The following CLUAP1 variants were observed in gnomAD, a reference collection of about 807,000 sequenced individuals.
CLUAP1 encodes intraflagellar transport 38.
Under a neutral mutation model 55.0 loss-of-function variants are expected in CLUAP1, and 50 were observed. That is an observed-to-expected ratio of 0.91 (90% CI 0.72 to 1.15). The LOEUF is 1.15. Among genes scored for constraint, CLUAP1 ranks in the 50% most tolerant of loss-of-function variants. The pLI, the probability that CLUAP1 is intolerant of heterozygous loss-of-function variation, is 0.00. For missense variants in CLUAP1, 530 were observed against 507.6 expected (o/e 1.04, Z -0.42); for synonymous variants, 195 against 175.4 (o/e 1.11, Z -0.88).
chr16:3,514,087 C>A (rs2037685393), intron 5 of CLUAP1, among the ~76,000 whole-genome samples: 1 of 152,238 alleles, frequency 6.6e-6, no homozygotes, highest in Non-Finnish European at 1.5e-5. Context: ...AAGGTACCTC[C>A]AGGCTTTCCC....
chr16:3,507,307 C>G (rs1480788282), intron 3 of CLUAP1, among the ~76,000 whole-genome samples: 6 of 151,910 alleles, frequency 3.9e-5, no homozygotes, highest in African/African-American at 1.5e-4. Context: ...AATCCTAGCA[C>G]TTTGGCAGGC....
At chr16:3,510,286 A>G (rs924028743) in intron 4 of CLUAP1, among the ~76,000 whole-genome samples, 1 of 139,822 alleles carries the variant, frequency 7.2e-6, no homozygotes. Context: ...GAGCCACCGC[A>G]CCCGGCTTTG....
intron 9 of CLUAP1, among the ~76,000 whole-genome samples, chr16:3,528,814 C>G (rs75830574): frequency 6.6e-5 from 10 of 151,936 alleles, no homozygotes; most frequent in Non-Finnish European, 1.5e-4. Flanking sequence ...TGTGGCTATT[C>G]GGTTGTCCTA....
Position 3,530,644 on chromosome 16 carries a change from G to T in CLUAP1, c.1005G>T (p.Lys335Asn). The change falls in exon 10 of 12, where the codon AAG becomes AAT. Residue 335 changes from lysine (K) to asparagine (N), a missense_variant. Physicochemically the swap from Lys to Asn is moderately conservative, Grantham distance 94. Coordinates refer to ENST00000576634, the MANE Select transcript of CLUAP1 (RefSeq NM_015041.3). ...AGTTGGAAGAAAGGCGGCTGCCCAA[G>T]CCACAGACAGCCATGGAGATGCTCA... Reference protein sequence around the residue: ...DSELEERRLPKPQTAMEMLMQ... With the variant: ...DSELEERRLPNPQTAMEMLMQ... 1 of 1,614,102 alleles carries T rather than the reference G, an allele frequency of 6.2e-7. No individual in the cohort carries two copies. Among genetic ancestry groups the T allele is most frequent in the Admixed American group, 1.7e-5 (1 of 60,018 alleles).
Position 3,530,400 on chromosome 16 carries a change from A to G in CLUAP1, c.929-168A>G, listed in dbSNP as rs1022789399. ...ATGTATTAATTTTATTTTAAAATTG[A>G]TTATATAATTTGATTTGCATTGCAT... On this transcript the variant is annotated intron_variant, in intron 9 of 11. Transcript: ENST00000576634. 8.3e-6 allele frequency: 5 copies of G among 605,024 alleles called. No individual in the cohort carries two copies. In the African/African-American group the frequency reaches 9.4e-5, roughly 11 times the overall value. 37.5% of individuals were successfully genotyped at this position (605,024 alleles called of 1,614,324 possible).
chr16:3,531,196 A>G (rs1016934805), intron 10 of CLUAP1, among the ~76,000 whole-genome samples: 2 of 152,144 alleles, frequency 1.3e-5, no homozygotes, highest in African/African-American at 4.8e-5. Flanking sequence ...TATCCACTGC[A>G]TTCCGGCCCG....
chr16:3,517,120 T>G (rs908768759), intron 6 of CLUAP1, among the ~76,000 whole-genome samples: 12 of 151,058 alleles, frequency 7.9e-5, no homozygotes, highest in African/African-American at 2.7e-4. Context: ...ACAAAGTACT[T>G]TTTTTTTCTT....
At chr16:3,519,761 T>C in intron 6 of CLUAP1, 142 bp from the exon 7 acceptor site, 1 of 729,764 alleles carries the variant, frequency 1.4e-6, no homozygotes, top group South Asian at 2.7e-5. Context: ...AAGTGAGTCA[T>C]TGCTTGGGGA....
Position 3,504,710 on chromosome 16 carries a change from C to G in CLUAP1, c.23-10C>G. 6.7e-7 allele frequency: 1 copy of G among 1,484,994 alleles called. No homozygotes were observed. Among genetic ancestry groups the G allele is most frequent in the Non-Finnish European group, 9.4e-7 (1 of 1,062,372 alleles). 92.0% of individuals were successfully genotyped at this position (1,484,994 alleles called of 1,614,324 possible). On this transcript the variant is annotated splice_polypyrimidine_tract_variant and intron_variant, in intron 1 of 11. Transcript: ENST00000576634. ...GGGGAACTGAATGAATTGTATTTTT[C>G]CTTGGACAGATTTCACAGAGATGAT...
chr16:3,522,477 T>C (rs2037858209), intron 7 of CLUAP1, among the ~76,000 whole-genome samples: 1 of 152,136 alleles, frequency 6.6e-6, no homozygotes, highest in Non-Finnish European at 1.5e-5. Flanking sequence ...AGTAGAACAT[T>C]ATACCCAAAT....
chr16:3,496,557 C>A, upstream of CLUAP1: 1 of 546,736 alleles, frequency 1.8e-6, no homozygotes. Flanking sequence ...AGGGTGGGGG[C>A]CAAGATCCTG....
intron 6 of CLUAP1, among the ~76,000 whole-genome samples, chr16:3,515,997 T>C (rs919132581): frequency 1.1e-4 from 17 of 152,216 alleles, no homozygotes; most frequent in African/African-American, 4.1e-4. Context: ...ACATCAGTTA[T>C]CCTCTCATCT....
intron 7 of CLUAP1, among the ~76,000 whole-genome samples, chr16:3,520,271 C>T (rs1377835785): frequency 6.6e-6 from 1 of 151,982 alleles, no homozygotes; most frequent in Admixed American, 6.6e-5. Context: ...ACTTGGGAGG[C>T]TGAGGCGGGA....
chr16:3,500,872 C>G (rs1260824930), upstream of CLUAP1: 1 of 609,848 alleles, frequency 1.6e-6, no homozygotes, highest in Non-Finnish European at 2.9e-6. Context: ...CCCTCGGCGT[C>G]TCAGGAGCGC....
chr16:3,499,608 C>T (rs1014769368), upstream of CLUAP1, among the ~76,000 whole-genome samples: 10 of 152,210 alleles, frequency 6.6e-5, no homozygotes, highest in African/African-American at 2.4e-4. Context: ...AAAATGTTTT[C>T]TCCATTCTCT....
chr16:3,507,717 T>TGTGTGC (rs1177143244), intron 3 of CLUAP1, among the ~76,000 whole-genome samples: 29 of 146,330 alleles, frequency 2.0e-4, no homozygotes, highest in African/African-American at 7.0e-4. Flanking sequence ...TGTGTGTGTG[T>TGTGTGC]GCAAATAAAA....
Position 3,520,003 on chromosome 16 carries a change from A to G in CLUAP1, c.680A>G (p.Asn227Ser), listed in dbSNP as rs776721199. 2 of 1,613,528 alleles carry G rather than the reference A, an allele frequency of 1.2e-6. No homozygotes were observed. The highest frequency in any genetic ancestry group is 1.7e-5 in the Admixed American group (1 of 59,908). ...IEKRKLELER[N>S]RKRLETLQSV... ...AAGAGAAAATTAGAACTGGAAAGAA[A>G]TCGGAAGCGACTAGAGACTCTGCAG... The change falls in exon 7 of 12, where the codon AAT (asparagine) becomes AGT (serine). Residue 227 changes from asparagine to serine, a missense_variant. Coordinates refer to ENST00000576634, the MANE Select transcript of CLUAP1 (RefSeq NM_015041.3).
chr16:3,498,011 G>A (rs1022590324), upstream of CLUAP1, among the ~76,000 whole-genome samples: 5 of 151,946 alleles, frequency 3.3e-5, no homozygotes, highest in African/African-American at 7.3e-5. Context: ...CTGAGAAGTC[G>A]CACAATATGC....
chr16:3,504,521 TAA>T (rs2037465668), intron 1 of CLUAP1, among the ~76,000 whole-genome samples, 197 bp from the exon 2 acceptor site: 1 of 152,248 alleles, frequency 6.6e-6, no homozygotes, highest in South Asian at 2.1e-4. Flanking sequence ...CCATTGAACT[TAA>T]ATATATGCTT....
Sources: allele counts gnomAD v4.1 joint callset (sites outside exome capture counted in the v4.1 genomes callset), GRCh38; gene constraint gnomAD v4.1.1; transcripts MANE v1.5; gene names NCBI Gene and HGNC (gene_info 2026-07-23, HGNC 2026-07-21).